Variants in GNPTAB observed in about 807,000 individuals in gnomAD.
GNPTAB encodes the protein N-acetylglucosamine-1-phosphotransferase subunits alpha/beta.
Under a neutral mutation model 136.6 loss-of-function variants are expected in GNPTAB, and 92 were observed. That is an observed-to-expected ratio of 0.67 (90% CI 0.57 to 0.80). The LOEUF (loss-of-function observed/expected upper bound fraction) is 0.80. GNPTAB is among the 30% of genes least tolerant of loss of function. GNPTAB has a pLI of 0.00. For synonymous variants in GNPTAB, 512 were observed against 535.1 expected (o/e 0.96, Z 0.60); for missense variants, 1,343 against 1,501.8 (o/e 0.89, Z 1.75).
intron 1 of GNPTAB, among the ~76,000 whole-genome samples, chr12:101,799,896 T>A (rs1356847789): frequency 1.3e-5 from 2 of 152,060 alleles, no homozygotes; most frequent in African/African-American, 2.4e-5. Flanking sequence ...GGCATAAAGA[T>A]CTTTAATGCT....
At chr12:101,751,760 G>T (rs1952822630) in intron 19 of GNPTAB, among the ~76,000 whole-genome samples, 2 of 152,122 alleles carry the variant, frequency 1.3e-5, no homozygotes, top group African/African-American at 4.8e-5. Flanking sequence ...CGTACAACAG[G>T]TTCTCAAGAA....
Position 101,753,397 on chromosome 12 carries a change from G to A in GNPTAB, c.3577C>T (p.Leu1193Phe). ...ELPREYRNRF[L>F]HMHELQEWRA... is the part of the protein sequence containing the mutation. ...CATTCCTGCAGCTCATGCATATGAA[G>A]GAAACGGTTTCGATACTCTCTTGGC... Residue 1193 changes from leucine to phenylalanine, a missense_variant, in exon 19 of 21, where the codon CTT becomes TTT. Transcript: ENST00000299314. The A allele has an allele frequency of 6.2e-7, 1 of 1,614,006 alleles. No homozygotes were observed. Among genetic ancestry groups the A allele is most frequent in the Non-Finnish European group, 8.5e-7 (1 of 1,179,916 alleles).
intron 1 of GNPTAB, among the ~76,000 whole-genome samples, chr12:101,815,699 A>G (rs1349323215): frequency 6.6e-6 from 1 of 152,158 alleles, no homozygotes; most frequent in Non-Finnish European, 1.5e-5. Context: ...AAAAATCAAT[A>G]TTCAGTGCTC....
chr12:101,790,200 G>T, intron 2 of GNPTAB, 143 bp from the exon 3 acceptor site: 1 of 1,141,540 alleles, frequency 8.8e-7, no homozygotes, highest in Non-Finnish European at 1.3e-6. Context: ...TCACAGAACT[G>T]CATGTTTTCA....
In GNPTAB at chr12:101,749,171, A is replaced by T; in HGVS notation, c.3623T>A (p.Leu1208Ter). 6.2e-7 allele frequency: 1 copy of T among 1,610,930 alleles called. No homozygotes were observed. The highest frequency in any genetic ancestry group is 8.5e-7 in the Non-Finnish European group (1 of 1,177,176). The change falls in exon 20 of 21, where the codon TTG (leucine) becomes TAG (stop). Residue 1208 changes from leucine to a stop codon, truncating the protein, a stop_gained. Transcript: ENST00000299314. LOFTEE classifies it high-confidence loss of function. Reference protein sequence around the residue: ...LQEWRAYRDKLKFWTHCVLAT... With the variant: ...LQEWRAYRDK ...TAGTACACAATGGGTCCAAAACTTC[A>T]ATTTGTCTCGATAAGCCCTCCTGTG...
chr12:101,795,878 G>T (rs1218273159), intron 2 of GNPTAB: 1 of 196,632 alleles, frequency 5.1e-6, no homozygotes, highest in Non-Finnish European at 1.0e-5. Context: ...AAGGACTTGT[G>T]TGATTCATTT....
chr12:101,804,522 A>G (rs1276714074), intron 1 of GNPTAB, among the ~76,000 whole-genome samples: 3 of 152,200 alleles, frequency 2.0e-5, no homozygotes, highest in Non-Finnish European at 4.4e-5. Flanking sequence ...TTCTTGTTAT[A>G]ATGTCCTGGC....
rs1160980618 is a variant in GNPTAB, at chr12:101,746,490, C to T, written c.*674G>A. The T allele has an allele frequency of 1.3e-5, 2 of 152,266 alleles. No homozygotes were observed. Among genetic ancestry groups the T allele is most frequent in the Non-Finnish European group, 2.9e-5 (2 of 68,120 alleles). 9.4% of individuals were successfully genotyped at this position (152,266 alleles called of 1,614,324 possible). On this transcript the variant is annotated 3_prime_UTR_variant, in exon 21 of 21. Coordinates refer to ENST00000299314, the MANE Select transcript of GNPTAB (RefSeq NM_024312.5). ...ATTAGACCTGCACGTGAAATCATAG[C>T]ATTCTTAGGGGCTGAAGTCAATAAT...
At chr12:101,780,733 G>A in intron 5 of GNPTAB, 112 bp from the exon 6 acceptor site, 1 of 786,512 alleles carries the variant, frequency 1.3e-6, no homozygotes, top group South Asian at 1.5e-5. Context: ...ATAATATATG[G>A]TCCAAAAAAA....
At chr12:101,762,052 CTG>C (rs1261169952) in intron 13 of GNPTAB, among the ~76,000 whole-genome samples, 1 of 152,162 alleles carries the variant, frequency 6.6e-6, no homozygotes. Context: ...TGGTCACTGA[CTG>C]TGAGATGTCA....
intron 16 of GNPTAB, among the ~76,000 whole-genome samples, chr12:101,758,086 T>C (rs1488801878): frequency 1.3e-5 from 2 of 150,608 alleles, no homozygotes; most frequent in East Asian, 2.0e-4. Flanking sequence ...TCGCCCAGGC[T>C]GGAGTGCAGT....
intron 1 of GNPTAB, among the ~76,000 whole-genome samples, chr12:101,800,472 A>G (rs1869552878): frequency 6.6e-6 from 1 of 151,972 alleles, no homozygotes; most frequent in Non-Finnish European, 1.5e-5. Flanking sequence ...TTAGAACAAA[A>G]TTAGGGCTAG....
At chr12:101,793,220 C>T (rs1869089035) in intron 2 of GNPTAB, among the ~76,000 whole-genome samples, 1 of 152,098 alleles carries the variant, frequency 6.6e-6, no homozygotes, top group Non-Finnish European at 1.5e-5. Flanking sequence ...AAAAAAAAAT[C>T]CATCTGCCTC....
At chr12:101,811,806 T>C (rs900720109) in intron 1 of GNPTAB, among the ~76,000 whole-genome samples, 1 of 151,566 alleles carries the variant, frequency 6.6e-6, no homozygotes, top group African/African-American at 2.4e-5. Flanking sequence ...ACCCAACTAA[T>C]TTTTGTATTT....
intron 1 of GNPTAB, among the ~76,000 whole-genome samples, chr12:101,801,231 CAAAAAAAAAAAA>C (rs35036983): frequency 3.1e-4 from 4 of 12,748 alleles, no homozygotes; most frequent in Admixed American, 2.5e-3. Flanking sequence ...GACCCTGTCT[CAAAAAAAAAAAA>C]AAAAAAAAAA....
chr12:101,806,768 A>T (rs1869955179), intron 1 of GNPTAB, among the ~76,000 whole-genome samples: 1 of 152,156 alleles, frequency 6.6e-6, no homozygotes, highest in African/African-American at 2.4e-5. Flanking sequence ...CTATAAAAAA[A>T]TTTGAATCAA....
intron 18 of GNPTAB, among the ~76,000 whole-genome samples, chr12:101,755,756 A>G (rs1250648633): frequency 6.6e-6 from 1 of 152,158 alleles, no homozygotes; most frequent in Non-Finnish European, 1.5e-5. Context: ...AACAACATAA[A>G]CAAGGGTTAA....
chr12:101,783,463 T>C (rs1049852805), intron 5 of GNPTAB, among the ~76,000 whole-genome samples: 3 of 152,232 alleles, frequency 2.0e-5, no homozygotes, highest in Admixed American at 6.5e-5. Context: ...GAGAAAGTTA[T>C]AAGGAAGCAG....
intron 5 of GNPTAB, among the ~76,000 whole-genome samples, chr12:101,783,410 G>A (rs924456100): frequency 6.6e-6 from 1 of 152,186 alleles, no homozygotes; most frequent in African/African-American, 2.4e-5. Context: ...GAGGGATTAC[G>A]TGAGTTCTGT....
Sources: gnomAD v4.1 joint callset for allele counts (sites outside exome capture counted in the v4.1 genomes callset) on GRCh38, gnomAD v4.1.1 for gene constraint, MANE v1.5 for transcripts, NCBI Gene and HGNC (gene_info 2026-07-23, HGNC 2026-07-21) for gene names.